Variants in RARB observed in about 807,000 individuals in gnomAD.
The protein encoded by RARB is HBV-activated protein.
Under a neutral mutation model 51.9 loss-of-function variants are expected in RARB, and 17 were observed. That is an observed-to-expected ratio of 0.33 (90% CI 0.22 to 0.49). The LOEUF (loss-of-function observed/expected upper bound fraction) is 0.49, where lower values mean the gene tolerates loss of function less well. RARB is among the 20% of genes least tolerant of loss of function. RARB has a pLI of 0.99. For missense variants in RARB, 369 were observed against 550.8 expected (o/e 0.67, Z 3.30); for synonymous variants, 215 against 195.4 (o/e 1.10, Z -0.84).
intron 2 of RARB, among the ~76,000 whole-genome samples, chr3:24,977,900 T>C (rs1012580202): frequency 2.0e-4 from 30 of 152,204 alleles, no homozygotes; most frequent in Non-Finnish European, 5.9e-5. Flanking sequence ...TTGTCATAAA[T>C]AGCTCTTATT....
chr3:25,169,920 T>C (rs1700614902), intron 4 of RARB, among the ~76,000 whole-genome samples: 1 of 151,038 alleles, frequency 6.6e-6, no homozygotes. Flanking sequence ...CTCAGGTGTT[T>C]GAGGCTGCAG....
At chr3:25,281,005 CT>C (rs1703508162) in intron 5 of RARB, among the ~76,000 whole-genome samples, 1 of 152,158 alleles carries the variant, frequency 6.6e-6, no homozygotes, top group Non-Finnish European at 1.5e-5. Context: ...TAAACACATA[CT>C]TTTGTCAAAG....
chr3:24,980,567 G>A (rs541843505), intron 2 of RARB, among the ~76,000 whole-genome samples: 1 of 152,170 alleles, frequency 6.6e-6, no homozygotes, highest in Non-Finnish European at 1.5e-5. Flanking sequence ...GGCTTGTGAA[G>A]CTTGTGTATG....
chr3:25,583,988 C>T (rs544992821), intron 5 of RARB, among the ~76,000 whole-genome samples: 12 of 152,208 alleles, frequency 7.9e-5, no homozygotes, highest in South Asian at 2.1e-4. Context: ...GTTTCCTTCT[C>T]GTTCAATCTC....
intron 5 of RARB, among the ~76,000 whole-genome samples, chr3:25,241,162 T>A (rs893760077): frequency 6.6e-6 from 1 of 152,220 alleles, no homozygotes; most frequent in African/African-American, 2.4e-5. Flanking sequence ...TTCTGTGGTA[T>A]CAGTTGTAAT....
Position 25,428,600 on chromosome 3 carries a change from T to A in RARB, c.-132T>A. ...TCTGTCATAATTCATGATTCGGGGCTGGGAAAAAGACCAACAGCCTACGTG... is the reference window on the plus strand; with the variant it reads ...TCTGTCATAATTCATGATTCGGGGCAGGGAAAAAGACCAACAGCCTACGTG... On this transcript the variant is annotated 5_prime_UTR_variant, in exon 1 of 8. Transcript: ENST00000330688. 7.1e-7 allele frequency: 1 copy of A among 1,407,050 alleles called. No individual in the cohort carries two copies. Among genetic ancestry groups the A allele is most frequent in the Non-Finnish European group, 9.3e-7 (1 of 1,073,208 alleles). The allele number at this position is 1,407,050 out of a possible 1,614,324, so 87.2% of individuals were successfully genotyped here.
chr3:25,313,616 T>C (rs1015959946), intron 5 of RARB, among the ~76,000 whole-genome samples: 1 of 152,204 alleles, frequency 6.6e-6, no homozygotes, highest in Non-Finnish European at 1.5e-5. Context: ...CCTATTGTAC[T>C]CTGTGTTGCT....
At chr3:25,420,027 T>C (rs1256993071) in intron 5 of RARB, among the ~76,000 whole-genome samples, 3 of 152,102 alleles carry the variant, frequency 2.0e-5, no homozygotes, top group African/African-American at 7.3e-5. Flanking sequence ...CCCTGATGTT[T>C]GAAAGAAGAG....
At chr3:24,993,196 T>A (rs1696951031) in intron 2 of RARB, among the ~76,000 whole-genome samples, 1 of 152,138 alleles carries the variant, frequency 6.6e-6, no homozygotes, top group Admixed American at 6.6e-5. Context: ...AAATCAGAGA[T>A]GCTAAAAATA....
chr3:25,431,752 T>C (rs1708218531), intron 1 of RARB, among the ~76,000 whole-genome samples: 1 of 152,214 alleles, frequency 6.6e-6, no homozygotes, highest in Non-Finnish European at 1.5e-5. Context: ...AAATATTTTC[T>C]TTTTGAAATA....
intron 1 of RARB, 43 bp downstream of exon 1, chr3:25,428,931 T>C (rs773868160): frequency 6.5e-7 from 1 of 1,547,014 alleles, no homozygotes; most frequent in East Asian, 2.3e-5. Context: ...AAAAAAAAAA[T>C]TGTCTCTCTT....
chr3:25,059,666 T>C (rs913024012), intron 2 of RARB, among the ~76,000 whole-genome samples: 3 of 151,712 alleles, frequency 2.0e-5, no homozygotes, highest in African/African-American at 7.3e-5. Context: ...GAGACAAAGT[T>C]CAAGGTGATG....
chr3:25,178,558 A>C (rs573631866), intron 5 of RARB, among the ~76,000 whole-genome samples: 20 of 151,962 alleles, frequency 1.3e-4, no homozygotes, highest in Admixed American at 1.0e-3. Context: ...TGCCTTTCCC[A>C]GTGTTTTGGG....
At chr3:25,026,956 T>C (rs1045748811) in intron 2 of RARB, among the ~76,000 whole-genome samples, 1 of 149,484 alleles carries the variant, frequency 6.7e-6, no homozygotes, top group Non-Finnish European at 1.5e-5. Context: ...ATTTTTCTTA[T>C]TCATATCATT....
intron 2 of RARB, among the ~76,000 whole-genome samples, chr3:24,986,080 G>A (rs1696788759): frequency 6.6e-6 from 1 of 152,158 alleles, no homozygotes. Context: ...CACCTAGAGT[G>A]GTGACAAGCT....
At chr3:25,464,612 G>T (rs1695339353) in intron 2 of RARB, among the ~76,000 whole-genome samples, 1 of 152,042 alleles carries the variant, frequency 6.6e-6, no homozygotes, top group Non-Finnish European at 1.5e-5. Flanking sequence ...GAAACATGAG[G>T]AGGTAATGGT....
intron 2 of RARB, among the ~76,000 whole-genome samples, chr3:24,999,869 C>G (rs1323611781): frequency 6.6e-6 from 1 of 152,134 alleles, no homozygotes; most frequent in South Asian, 2.1e-4. Context: ...CCCCAGACAA[C>G]TCCAGGATTA....
intron 5 of RARB, among the ~76,000 whole-genome samples, chr3:25,322,265 C>G (rs1002066263): frequency 1.3e-5 from 2 of 151,972 alleles, no homozygotes; most frequent in African/African-American, 4.8e-5. Flanking sequence ...CCAAAATAAA[C>G]CTCAGATAAG....
intron 4 of RARB, among the ~76,000 whole-genome samples, chr3:25,152,657 A>G (rs1158613952): frequency 6.6e-6 from 1 of 152,224 alleles, no homozygotes; most frequent in East Asian, 1.9e-4. Context: ...ACACAGTAAT[A>G]CAACCAGCCT....
Sources: allele counts gnomAD v4.1 joint callset (sites outside exome capture counted in the v4.1 genomes callset), GRCh38; gene constraint gnomAD v4.1.1; transcripts MANE v1.5; gene names NCBI Gene and HGNC (gene_info 2026-07-23, HGNC 2026-07-21).